IFT81: variants seen among roughly 807,000 people sequenced by gnomAD.
IFT81 encodes intraflagellar transport 81.
In IFT81, 72 loss-of-function variants were observed where a neutral mutation model predicts 102.6. The ratio of observed to expected loss-of-function variants is 0.70; its 90% CI spans 0.58 to 0.85. The LOEUF (loss-of-function observed/expected upper bound fraction) is 0.85. IFT81 is among the 40% of genes least tolerant of loss of function. IFT81 has a pLI of 0.00. For synonymous variants in IFT81, 237 were observed against 242.7 expected (o/e 0.98, Z 0.22); for missense variants, 723 against 787.3 (o/e 0.92, Z 0.98).
chr12:110,182,279 G>A (rs940950050), intron 12 of IFT81, among the ~76,000 whole-genome samples: 2 of 152,094 alleles, frequency 1.3e-5, no homozygotes, highest in African/African-American at 4.8e-5. Flanking sequence ...GATTCTAGTT[G>A]GTCGCAATTT....
At chr12:110,207,430 T>A (rs1015401262) in intron 17 of IFT81, among the ~76,000 whole-genome samples, 1 of 152,130 alleles carries the variant, frequency 6.6e-6, no homozygotes, top group Non-Finnish European at 1.5e-5. Flanking sequence ...TCTCTTTTTA[T>A]GGCTTAGGAT....
chr12:110,143,427 T>A lies in IFT81; in HGVS notation c.827T>A (p.Met276Lys), dbSNP rs368690243. The A allele has an allele frequency of 6.7e-7, 1 of 1,493,566 alleles. No homozygotes were observed. Among genetic ancestry groups the A allele is most frequent in the Non-Finnish European group, 9.0e-7 (1 of 1,113,910 alleles). 92.5% of individuals were successfully genotyped at this position (1,493,566 alleles called of 1,614,324 possible). The change falls in exon 9 of 19, where the codon ATG becomes AAG. Residue 276 changes from methionine (M) to lysine (K), a missense_variant. Met to Lys is a moderately conservative substitution (Grantham distance 95). Transcript: ENST00000242591. The stretch of plus-strand genomic sequence containing the variant: ...GAGGAGATAAAATTTAATTTATATA[T>A]GGTAACTGAAAAATTTCCTAAAGAA... ...LEEEIKFNLY[M>K]VTEKFPKELE...
chr12:110,174,815 T>C (rs1307308941), intron 11 of IFT81, among the ~76,000 whole-genome samples: 1 of 152,210 alleles, frequency 6.6e-6, no homozygotes. Flanking sequence ...CATCTGTCAA[T>C]TTCCATTTTG....
In IFT81 at chr12:110,164,795, G is replaced by A. The variant is rs58423087; in HGVS notation, c.1188+1730G>A. ...TAAATGATATCTGGAAGTCAACAGT[G>A]TATGCTTCATGACATCTTTGCTGTC... On this transcript the variant is annotated intron_variant, in intron 11 of 18. Coordinates refer to ENST00000242591, the MANE Select transcript of IFT81 (RefSeq NM_014055.4). Among the ~76,000 whole-genome samples, 917 of 152,254 alleles carry A rather than the reference G, an allele frequency of 6.0e-3. 24 individuals carry two copies. In the East Asian group the frequency reaches 0.069, roughly 11 times the overall value.
chr12:110,205,990 A>T (rs1220626016), intron 17 of IFT81, among the ~76,000 whole-genome samples: 4 of 152,240 alleles, frequency 2.6e-5, no homozygotes, highest in Non-Finnish European at 5.9e-5. Flanking sequence ...TCACCACTGT[A>T]TATTTACAAA....
chr12:110,192,779 G>A, intron 14 of IFT81, 73 bp downstream of exon 14: 1 of 788,520 alleles, frequency 1.3e-6, no homozygotes. Context: ...ACATGTGCTA[G>A]TTAGAACCCT....
In IFT81 at chr12:110,207,499, C is replaced by T. The variant is rs16940812; in HGVS notation, c.1803-1672C>T. ...TTTCTTAAATACTGCAGCGTAGCTTCACACACAAAAACAGTCTCTTCTTTG... is the reference window on the plus strand; with the variant it reads ...TTTCTTAAATACTGCAGCGTAGCTTTACACACAAAAACAGTCTCTTCTTTG... On this transcript the variant is annotated intron_variant, in intron 17 of 18. Coordinates refer to ENST00000242591, the MANE Select transcript of IFT81 (RefSeq NM_014055.4). 5.5e-3 allele frequency among the ~76,000 whole-genome samples: 830 copies of T among 151,090 alleles called. 7 individuals are homozygous for T. Among genetic ancestry groups the T allele is most frequent in the African/African-American group, 0.019 (802 of 41,324 alleles).
intron 8 of IFT81, among the ~76,000 whole-genome samples, chr12:110,138,497 A>T (rs1452380124): frequency 6.6e-6 from 1 of 151,408 alleles, no homozygotes; most frequent in African/African-American, 2.4e-5. Flanking sequence ...CAGTGGTGCA[A>T]TCTTAGCTCA....
chr12:110,189,861 C>T (rs1016335138), intron 12 of IFT81, among the ~76,000 whole-genome samples: 6 of 152,166 alleles, frequency 3.9e-5, no homozygotes, highest in South Asian at 2.1e-4. Flanking sequence ...CCTTTACTTG[C>T]GTTCACATCC....
At chr12:110,126,144 G>A (rs751015834) in intron 1 of IFT81, among the ~76,000 whole-genome samples, 25 of 152,160 alleles carry the variant, frequency 1.6e-4, no homozygotes, top group African/African-American at 6.0e-4. Flanking sequence ...CAGGCGTGCT[G>A]GCAGGCGCCT....
At chr12:110,185,453 G>T (rs1897489499) in intron 12 of IFT81, among the ~76,000 whole-genome samples, 1 of 151,776 alleles carries the variant, frequency 6.6e-6, no homozygotes, top group South Asian at 2.1e-4. Context: ...GCCTCCCAAA[G>T]TGCTGGGATT....
Position 110,203,867 on chromosome 12 carries a change from C to G in IFT81, c.1561C>G (p.Leu521Val). 1 of 1,609,400 alleles carries G rather than the reference C, an allele frequency of 6.2e-7. No homozygotes were observed. The highest frequency in any genetic ancestry group is 8.5e-7 in the Non-Finnish European group (1 of 1,175,850). The change falls in exon 15 of 19, where the codon CTG becomes GTG. Residue 521 changes from leucine (L) to valine (V), a missense_variant. Coordinates refer to ENST00000242591, the MANE Select transcript of IFT81 (RefSeq NM_014055.4). ...LRQLRQKYQE[L>V]TQECDEKKSQ... ...TCATTTTCCCTTTTTATACTAGGAA[C>G]TGACCCAGGAGTGTGATGAAAAGAA... is the stretch of plus-strand genomic sequence containing the variant.
At chr12:110,190,072 T>G (rs1373493585) in intron 12 of IFT81, among the ~76,000 whole-genome samples, 1 of 152,172 alleles carries the variant, frequency 6.6e-6, no homozygotes, top group East Asian at 1.9e-4. Flanking sequence ...CATTTTAAAA[T>G]TGCCTTAACT....
chr12:110,173,671 C>G (rs1896893858), intron 11 of IFT81, among the ~76,000 whole-genome samples: 1 of 152,206 alleles, frequency 6.6e-6, no homozygotes, highest in South Asian at 2.1e-4. Context: ...TATCCCCCAA[C>G]CCTGTGCTCT....
chr12:110,161,398 G>A (rs573505662), intron 10 of IFT81, among the ~76,000 whole-genome samples: 63 of 149,832 alleles, frequency 4.2e-4, no homozygotes, highest in African/African-American at 1.5e-3. Flanking sequence ...TCCACCCACC[G>A]TGGCCTCCCA....
intron 11 of IFT81, among the ~76,000 whole-genome samples, chr12:110,163,404 C>T (rs1896251779): frequency 1.3e-5 from 2 of 151,872 alleles, no homozygotes; most frequent in South Asian, 4.1e-4. Context: ...ACATGCCCAG[C>T]TAATTTTTGT....
intron 5 of IFT81, among the ~76,000 whole-genome samples, chr12:110,134,463 G>A (rs542233752): frequency 3.3e-5 from 5 of 152,156 alleles, no homozygotes; most frequent in Non-Finnish European, 7.4e-5. Flanking sequence ...TTTCAGAGAC[G>A]GAATTGGTTC....
chr12:110,126,731 CAG>C, intron 1 of IFT81, among the ~76,000 whole-genome samples: 1 of 152,098 alleles, frequency 6.6e-6, no homozygotes, highest in Non-Finnish European at 1.5e-5. Flanking sequence ...AGGTGGAGAC[CAG>C]AGAACAAGAG....
Position 110,186,265 on chromosome 12 carries a change from G to A in IFT81, c.1339-4655G>A, listed in dbSNP as rs541980407. 7.2e-5 allele frequency among the ~76,000 whole-genome samples: 11 copies of A among 151,838 alleles called. No individual in the cohort carries two copies. In the South Asian group the frequency reaches 2.3e-3, roughly 32 times the overall value. ...TGTTTGTTTGTTTGTTTGTTTGTTTGTTTGTTTGTTTTAAGGTAGACTGTT... is the reference window on the plus strand; with the variant it reads ...TGTTTGTTTGTTTGTTTGTTTGTTTATTTGTTTGTTTTAAGGTAGACTGTT... On this transcript the variant is annotated intron_variant, in intron 12 of 18. Coordinates refer to ENST00000242591, the MANE Select transcript of IFT81 (RefSeq NM_014055.4).
Sources: allele counts gnomAD v4.1 joint callset (sites outside exome capture counted in the v4.1 genomes callset), GRCh38; gene constraint gnomAD v4.1.1; transcripts MANE v1.5; gene names NCBI Gene and HGNC (gene_info 2026-07-23, HGNC 2026-07-21).